The following PRKCE variants were observed in gnomAD, a reference collection of about 807,000 sequenced individuals.
The protein encoded by PRKCE is protein kinase C epsilon.
Under a neutral mutation model 85.4 loss-of-function variants are expected in PRKCE, and 16 were observed. That is an observed-to-expected ratio of 0.19 (90% CI 0.13 to 0.28). The LOEUF is 0.28. Among genes scored for constraint, PRKCE ranks in the 10% least tolerant of loss-of-function variants. The pLI, the probability that PRKCE is intolerant of heterozygous loss-of-function variation, is 1.00. For missense variants in PRKCE, 573 were observed against 975.2 expected, an observed-to-expected ratio of 0.59 and a Z score of 5.49; for synonymous variants, 388 against 371.5, an observed-to-expected ratio of 1.04 and a Z score of -0.51.
chr2:46,004,393 G>A lies in PRKCE; in HGVS notation c.967-149G>A. 7.4e-6 allele frequency: 5 copies of A among 672,660 alleles called. No individual in the cohort carries two copies. The highest frequency in any genetic ancestry group is 1.3e-5 in the Non-Finnish European group (5 of 395,712). The allele number at this position is 672,660 out of a possible 1,614,324, so 41.7% of individuals were successfully genotyped here. A position where few individuals can be genotyped will look rare whatever the true frequency, so the allele number is the denominator to read the frequency against. The stretch of plus-strand genomic sequence containing the variant: ...ATCGAACTTCATTTTGGCTACTTTG[G>A]CGATGGCTGCAAGAGGACAGAGATC... On this transcript the variant is annotated intron_variant, in intron 7 of 14. Transcript: ENST00000306156. This position sits in a 1 kb window ranked among gnomAD's most constrained non-coding sequence, Gnocchi z 4.1.
At chr2:46,117,655 C>T (rs1672908934) in intron 11 of PRKCE, among the ~76,000 whole-genome samples, 3 of 152,194 alleles carry the variant, frequency 2.0e-5, no homozygotes, top group Admixed American at 6.5e-5. Flanking sequence ...TTCTGATCCT[C>T]AATTTTCTCA....
intron 10 of PRKCE, among the ~76,000 whole-genome samples, chr2:46,037,997 C>T (rs1435908930): frequency 2.6e-5 from 4 of 152,092 alleles, no homozygotes; most frequent in African/African-American, 7.2e-5. Flanking sequence ...GTTGTTTTAA[C>T]GCTGGGATGC....
intron 2 of PRKCE, among the ~76,000 whole-genome samples, chr2:45,963,668 T>C (rs1245798777): frequency 6.6e-6 from 1 of 152,212 alleles, no homozygotes; most frequent in Non-Finnish European, 1.5e-5. Context: ...ATTCTTTCAT[T>C]GCCTTTTATC....
intron 1 of PRKCE, among the ~76,000 whole-genome samples, chr2:45,794,597 A>G (rs1404023185): frequency 3.9e-5 from 6 of 152,272 alleles, no homozygotes; most frequent in Admixed American, 2.6e-4. Flanking sequence ...GAATCTCAGG[A>G]AGGGCATGGA....
At chr2:45,679,518 C>T (rs1467624330) in intron 1 of PRKCE, among the ~76,000 whole-genome samples, 1 of 152,006 alleles carries the variant, frequency 6.6e-6, no homozygotes, top group Non-Finnish European at 1.5e-5. Flanking sequence ...ATAATAAGTG[C>T]CAAGTAGACA....
chr2:45,866,832 G>T (rs1286697409), intron 2 of PRKCE, among the ~76,000 whole-genome samples: 1 of 152,204 alleles, frequency 6.6e-6, no homozygotes, highest in African/African-American at 2.4e-5. Flanking sequence ...TTACATCATT[G>T]TGGAAAATTC....
intron 11 of PRKCE, among the ~76,000 whole-genome samples, chr2:46,102,149 A>T (rs1039019150): frequency 1.3e-5 from 2 of 152,142 alleles, no homozygotes; most frequent in African/African-American, 4.8e-5. Context: ...GGAAATCAGC[A>T]AGGGTTTTCC....
At chr2:46,075,779 A>G (rs915867980) in intron 10 of PRKCE, among the ~76,000 whole-genome samples, 1 of 152,218 alleles carries the variant, frequency 6.6e-6, no homozygotes, top group African/African-American at 2.4e-5. Context: ...TGATAGAATC[A>G]AAAAGGGATT....
At chr2:45,817,109 G>GTGTGTGTGTT (rs1303424935) in intron 1 of PRKCE, among the ~76,000 whole-genome samples, 1 of 145,436 alleles carries the variant, frequency 6.9e-6, no homozygotes, top group African/African-American at 2.5e-5. Flanking sequence ...GTGTGTGTGT[G>GTGTGTGTGTT]TTGTGGGTAG....
intron 2 of PRKCE, among the ~76,000 whole-genome samples, chr2:45,934,577 A>G (rs1361195798): frequency 2.7e-5 from 4 of 150,022 alleles, no homozygotes; most frequent in Non-Finnish European, 3.0e-5. Context: ...TGAAGCCACA[A>G]GGCGGAGGCT....
chr2:45,925,320 A>C (rs1698530518), intron 2 of PRKCE, among the ~76,000 whole-genome samples: 1 of 110,654 alleles, frequency 9.0e-6, no homozygotes, highest in African/African-American at 3.5e-5. Context: ...TATTTTTGAG[A>C]CAGTTTGCTC....
chr2:46,175,717 C>T (rs1679356632), intron 14 of PRKCE, among the ~76,000 whole-genome samples: 1 of 152,112 alleles, frequency 6.6e-6, no homozygotes, highest in Non-Finnish European at 1.5e-5. Context: ...CATGAGAGTT[C>T]TCAGATGTCC....
Position 45,820,015 on chromosome 2 carries a change from G to A in PRKCE, c.349-22985G>A, listed in dbSNP as rs552816560. Among the ~76,000 whole-genome samples the A allele has an allele frequency of 1.2e-4, 18 of 152,292 alleles. No homozygotes were observed. The East Asian group carries it at 2.5e-3, about 21-fold the overall frequency. ...AGGGGTGTTGGGAGTAATCACTGCT[G>A]TGGGGATTGCAGTACTTTTACAGGA... On this transcript the variant is annotated intron_variant, in intron 1 of 14. Transcript: ENST00000306156.
chr2:46,122,536 G>A (rs1202987423), intron 11 of PRKCE, among the ~76,000 whole-genome samples: 1 of 152,110 alleles, frequency 6.6e-6, no homozygotes, highest in African/African-American at 2.4e-5. Flanking sequence ...CCCACTTATA[G>A]GTCTCTTTAA....
intron 2 of PRKCE, among the ~76,000 whole-genome samples, chr2:45,933,934 G>A (rs754374321): frequency 4.6e-5 from 7 of 152,148 alleles, no homozygotes; most frequent in Non-Finnish European, 8.8e-5. Flanking sequence ...AGGTACTCCT[G>A]GCTTCAGGCA....
intron 1 of PRKCE, among the ~76,000 whole-genome samples, chr2:45,807,664 G>T (rs984962373): frequency 6.6e-6 from 1 of 152,162 alleles, no homozygotes; most frequent in Non-Finnish European, 1.5e-5. Flanking sequence ...CAGTCTAGCT[G>T]AGTGGTTCTC....
At chr2:46,019,260 T>C (rs1706432880) in intron 10 of PRKCE, among the ~76,000 whole-genome samples, 1 of 152,228 alleles carries the variant, frequency 6.6e-6, no homozygotes, top group African/African-American at 2.4e-5. Flanking sequence ...GAGTTTTTTT[T>C]CAGGGACTTC....
At chr2:45,894,880 G>A (rs186359725) in intron 2 of PRKCE, among the ~76,000 whole-genome samples, 3 of 152,204 alleles carry the variant, frequency 2.0e-5, no homozygotes, top group East Asian at 1.9e-4. Context: ...CCACCACTGC[G>A]CCTGGCTAAT....
intron 13 of PRKCE, among the ~76,000 whole-genome samples, chr2:46,151,568 C>G (rs548673735): frequency 6.6e-6 from 1 of 151,232 alleles, no homozygotes; most frequent in South Asian, 2.1e-4. Flanking sequence ...AGAAGCAACT[C>G]AACTGTGCTG....
Sources: allele counts gnomAD v4.1 joint callset (sites outside exome capture counted in the v4.1 genomes callset), GRCh38; gene constraint gnomAD v4.1.1; non-coding constraint Gnocchi (gnomAD v3.1); transcripts MANE v1.5; gene names NCBI Gene and HGNC (gene_info 2026-07-23, HGNC 2026-07-21).